NDE1: variants seen among roughly 807,000 people sequenced by gnomAD.
The protein encoded by NDE1 is nudE neurodevelopment protein 1.
NDE1 carries 28 observed loss-of-function variants against 43.4 expected under a neutral mutation model. The observed-to-expected ratio is 0.65, with a 90% CI of 0.48 to 0.89. The LOEUF (loss-of-function observed/expected upper bound fraction) is 0.89, where lower values mean the gene tolerates loss of function less well. NDE1 is among the 40% of genes least tolerant of loss of function. NDE1 has a pLI of 0.00. For synonymous variants in NDE1, 184 were observed against 172.0 expected, an observed-to-expected ratio of 1.07 and a Z score of -0.55; for missense variants, 441 against 434.1, an observed-to-expected ratio of 1.02 and a Z score of -0.14.
intron 8 of NDE1, among the ~76,000 whole-genome samples, chr16:15,697,817 G>GTT (rs1027613355): frequency 7.0e-4 from 100 of 143,204 alleles, no homozygotes; most frequent in African/African-American, 2.5e-3. Context: ...GTTTTGTTTT[G>GTT]TTTTTTTTTT....
chr16:15,694,776 T>C (rs1186303413), intron 7 of NDE1: 1 of 985,292 alleles, frequency 1.0e-6, no homozygotes, highest in African/African-American at 1.7e-5. Flanking sequence ...CTCTGAACCC[T>C]ATGTATGTCT....
At chr16:15,650,328 G>A (rs1239794868) in intron 1 of NDE1, 34 bp downstream of exon 1, 1 of 246,174 alleles carries the variant, frequency 4.1e-6, no homozygotes. Context: ...TGGGGTCGGG[G>A]TGGCTGTCCG....
At chr16:15,665,540 T>A (rs1226578804) in intron 2 of NDE1, among the ~76,000 whole-genome samples, 1 of 151,606 alleles carries the variant, frequency 6.6e-6, no homozygotes, top group Non-Finnish European at 1.5e-5. Context: ...CACCTCTGGG[T>A]TGAAGCAATT....
intron 4 of NDE1, 63 bp downstream of exon 4, chr16:15,678,012 C>G: frequency 6.3e-7 from 1 of 1,589,784 alleles, no homozygotes; most frequent in East Asian, 2.2e-5. Flanking sequence ...TCCCCAGCAG[C>G]TGGGTACTGG....
intron 8 of NDE1, chr16:15,717,833 A>C (rs2040245865): frequency 3.8e-6 from 1 of 263,534 alleles, no homozygotes; most frequent in South Asian, 4.7e-5. Context: ...AGTGCCACCC[A>C]GGCTGAGCGA....
At position 15,715,100 on chromosome 16, in the gene NDE1, G is replaced by C. The variant is rs778353252; in HGVS notation, c.948-9091G>C. The C allele has an allele frequency of 3.7e-6, 6 of 1,612,356 alleles. No homozygotes were observed. In the African/African-American group the frequency reaches 6.7e-5, roughly 18 times the overall value. On this transcript the variant is annotated intron_variant, in intron 8 of 8. Coordinates refer to ENST00000396354, the MANE Select transcript of NDE1 (RefSeq NM_017668.3). ...TCTCTGCCTGTCGCGGAGAGTTGGA[G>C]GGGTGGTTAGGGGAGGCCGGCTGGG...
chr16:15,684,693 G>A (rs574831730), intron 4 of NDE1: 1 of 152,242 alleles, frequency 6.6e-6, no homozygotes, highest in African/African-American at 2.4e-5. Context: ...TTGTGTTAGG[G>A]TACAGTATGA....
At chr16:15,653,949 C>CT (rs2036626628) in intron 1 of NDE1, among the ~76,000 whole-genome samples, 1 of 151,996 alleles carries the variant, frequency 6.6e-6, no homozygotes, top group African/African-American at 2.4e-5. Context: ...AGGCTGGTCT[C>CT]TTATCTGCTG....
At chr16:15,693,472 C>T (rs1306949300) in intron 6 of NDE1, among the ~76,000 whole-genome samples, 1 of 152,136 alleles carries the variant, frequency 6.6e-6, no homozygotes, top group African/African-American at 2.4e-5. Context: ...GGATTTTCTA[C>T]AATTTCAAAA....
At chr16:15,695,287 C>T (rs536292178) in intron 7 of NDE1, among the ~76,000 whole-genome samples, 1 of 129,612 alleles carries the variant, frequency 7.7e-6, no homozygotes, top group South Asian at 2.5e-4. Context: ...ATGGGTGGAT[C>T]ACCTGAAGTC....
chr16:15,722,003 GCCCACCA>G (rs1356665357), intron 8 of NDE1, among the ~76,000 whole-genome samples: 1 of 152,024 alleles, frequency 6.6e-6, no homozygotes, highest in Non-Finnish European at 1.5e-5. Context: ...GATTACAGGT[GCCCACCA>G]CCACACCTGG....
intron 8 of NDE1, chr16:15,712,895 T>TTTTTTTTA (rs1567680276): frequency 6.7e-6 from 1 of 148,744 alleles, no homozygotes; most frequent in African/African-American, 2.5e-5. Context: ...TTTTTTTTTT[T>TTTTTTTTA]GAGACCGAGT....
intron 3 of NDE1, among the ~76,000 whole-genome samples, chr16:15,670,245 A>T (rs888199217): frequency 6.6e-6 from 1 of 152,178 alleles, no homozygotes; most frequent in African/African-American, 2.4e-5. Flanking sequence ...AGGGCTAGGT[A>T]TGATGGACGG....
Position 15,724,566 on chromosome 16 carries a change from C to G in NDE1, c.*315C>G. 1.2e-6 allele frequency: 2 copies of G among 1,609,794 alleles called. No homozygotes were observed. The highest frequency in any genetic ancestry group is 1.7e-6 in the Non-Finnish European group (2 of 1,177,954). Reference sequence around the variant, plus strand: ...GTCAAGCACCATCGCACCAACACTCCACCGCGATCTGCCTGCGGGGGATCT... The same window carrying G: ...GTCAAGCACCATCGCACCAACACTCGACCGCGATCTGCCTGCGGGGGATCT... On this transcript the variant is annotated 3_prime_UTR_variant, in exon 9 of 9. Coordinates refer to ENST00000396354, the MANE Select transcript of NDE1 (RefSeq NM_017668.3).
intron 8 of NDE1, chr16:15,717,023 CA>C: frequency 9.0e-7 from 1 of 1,115,458 alleles, no homozygotes. Flanking sequence ...GTAGGCATCA[CA>C]GAGCTTGCTT....
At chr16:15,719,368 C>A in intron 8 of NDE1, 1 of 1,568,526 alleles carries the variant, frequency 6.4e-7, no homozygotes, top group South Asian at 1.1e-5. Context: ...CACCAAGAGT[C>A]CACCCTGACA....
At chr16:15,649,041 T>C (rs748370443), upstream of NDE1, among the ~76,000 whole-genome samples, 12 of 151,354 alleles carry the variant, frequency 7.9e-5, no homozygotes, top group Non-Finnish European at 1.5e-4. Flanking sequence ...ACTAAAAATA[T>C]AAAAATTAGC....
intron 7 of NDE1, chr16:15,695,043 C>A: frequency 2.8e-6 from 1 of 359,744 alleles, no homozygotes; most frequent in Non-Finnish European, 3.9e-6. Context: ...ATTAGCCAGG[C>A]CTGATGGTGT....
At chr16:15,702,576 A>G (rs563479169) in intron 8 of NDE1, among the ~76,000 whole-genome samples, 1 of 97,704 alleles carries the variant, frequency 1.0e-5, no homozygotes, top group African/African-American at 4.6e-5. Flanking sequence ...ACAACAAAAA[A>G]ACACCTTTTT....
Sources: gnomAD v4.1 joint callset for allele counts (sites outside exome capture counted in the v4.1 genomes callset) on GRCh38, gnomAD v4.1.1 for gene constraint, MANE v1.5 for transcripts, NCBI Gene and HGNC (gene_info 2026-07-23, HGNC 2026-07-21) for gene names.